ANGEL1: variants seen among roughly 807,000 people sequenced by gnomAD.
ANGEL1 encodes RNA 2',3'-cyclic phosphatase ANGEL1.
Under a neutral mutation model 76.4 loss-of-function variants are expected in ANGEL1, and 62 were observed. The observed-to-expected ratio is 0.81, with a 90% CI of 0.66 to 1.00. ANGEL1 has a LOEUF of 1.00. Among genes scored for constraint, ANGEL1 ranks in the 50% least tolerant of loss-of-function variants. The pLI is 0.00. For synonymous variants in ANGEL1, 340 were observed against 331.7 expected (o/e 1.03, Z -0.27); for missense variants, 737 against 836.7 (o/e 0.88, Z 1.47).
chr14:76,810,783 A>T (rs1895061025), intron 1 of ANGEL1, among the ~76,000 whole-genome samples: 1 of 152,240 alleles, frequency 6.6e-6, no homozygotes, highest in South Asian at 2.1e-4. Flanking sequence ...CAGGCAAGAA[A>T]GAAAGTGGGA....
At position 76,806,823 on chromosome 14, in the gene ANGEL1, T is replaced by G. The variant is rs765351836; in HGVS notation, c.973A>C (p.Thr325Pro). The G allele has an allele frequency of 6.2e-7, 1 of 1,613,780 alleles. No homozygotes were observed. The highest frequency in any genetic ancestry group is 8.5e-7 in the Non-Finnish European group (1 of 1,179,870). The change falls in exon 5 of 10, where the codon ACT becomes CCT. Residue 325 changes from threonine (T) to proline (P), a missense_variant. Physicochemically the swap from Thr to Pro is conservative, Grantham distance 38. This residue lies in a region of ANGEL1 where 441 missense variants were observed against 449.5 expected (regional missense o/e 0.98). Coordinates refer to ENST00000251089, the MANE Select transcript of ANGEL1 (RefSeq NM_015305.4). ...GCACAGCCATCGGTTTTACACCCAG[T>G]CCTCCTCTTGTAGAAACAGGTAAAG... is the stretch of plus-strand genomic sequence containing the variant. ...MGFTCFYKRR[T>P]GCKTDGCAVC...
chr14:76,786,255 C>T lies in ANGEL1; in HGVS notation c.*2973G>A, dbSNP rs1894259813. The T allele has an allele frequency of 6.6e-6, 1 of 151,984 alleles. No individual in the cohort carries two copies. The highest frequency in any genetic ancestry group is 6.6e-5 in the Admixed American group (1 of 15,252). 9.4% of individuals were successfully genotyped at this position (151,984 alleles called of 1,614,324 possible). ...CTCGGCTCACCACAACCTCCGCTTC[C>T]CAGGTTCAAGCAATTCTCCTGCCTC... On this transcript the variant is annotated 3_prime_UTR_variant, in exon 10 of 10. Coordinates refer to ENST00000251089, the MANE Select transcript of ANGEL1 (RefSeq NM_015305.4).
rs765107857 is a variant in ANGEL1, at chr14:76,809,144, C to T, written c.564G>A (p.Glu188=). ...PAVLAWSIAP[E]PVPQEEASIW... ...TGGAAGCCTCTTCCTGGGGCACAGG[C>T]TCAGGTGCTATGCTCCAGGCCAACA... Residue 188 remains glutamate (E), a synonymous_variant, in exon 2 of 10, where the codon GAG becomes GAA. Transcript: ENST00000251089. The T allele has an allele frequency of 1.7e-5, 28 of 1,614,070 alleles. No individual in the cohort carries two copies. The Middle Eastern group carries it at 6.6e-4, about 38-fold the overall frequency.
At chr14:76,798,319 GT>G (rs763796498) in intron 7 of ANGEL1, among the ~76,000 whole-genome samples, 9 of 152,080 alleles carry the variant, frequency 5.9e-5, no homozygotes, top group Non-Finnish European at 1.0e-4. Flanking sequence ...TAGAGATGGG[GT>G]TTTGCTATGT....
At chr14:76,805,903 T>C (rs560752847) in intron 5 of ANGEL1, among the ~76,000 whole-genome samples, 4 of 152,340 alleles carry the variant, frequency 2.6e-5, no homozygotes, top group Admixed American at 6.5e-5. Context: ...ATGGAAGCCA[T>C]GATGGAAACT....
intron 7 of ANGEL1, among the ~76,000 whole-genome samples, chr14:76,792,241 TAA>T (rs1041098715): frequency 6.6e-6 from 1 of 151,974 alleles, no homozygotes; most frequent in African/African-American, 2.4e-5. Context: ...CTATAATAAA[TAA>T]AGAGATTGAA....
At chr14:76,793,154 A>C (rs1226402121) in intron 7 of ANGEL1, among the ~76,000 whole-genome samples, 4 of 151,754 alleles carry the variant, frequency 2.6e-5, no homozygotes, top group African/African-American at 7.2e-5. Flanking sequence ...TGAAATAATT[A>C]GGAAAAATTT....
chr14:76,802,226 T>C (rs1365563033), intron 7 of ANGEL1, among the ~76,000 whole-genome samples: 2 of 152,148 alleles, frequency 1.3e-5, no homozygotes, highest in African/African-American at 4.8e-5. Flanking sequence ...CATGAGAAAG[T>C]AATCGTAATT....
intron 9 of ANGEL1, among the ~76,000 whole-genome samples, 193 bp from the exon 10 acceptor site, chr14:76,789,581 G>A (rs894663491): frequency 2.6e-5 from 4 of 152,034 alleles, no homozygotes; most frequent in African/African-American, 9.7e-5. Context: ...TATCATCAAC[G>A]AATAAAGACA....
Position 76,812,775 on chromosome 14 carries a change from C to A in ANGEL1, c.53G>T (p.Arg18Leu). 1 of 1,522,314 alleles carries A rather than the reference C, an allele frequency of 6.6e-7. No individual in the cohort carries two copies. Among genetic ancestry groups the A allele is most frequent in the Non-Finnish European group, 8.8e-7 (1 of 1,139,886 alleles). 94.3% of individuals were successfully genotyped at this position (1,522,314 alleles called of 1,614,324 possible). Residue 18 changes from arginine to leucine, a missense_variant, in exon 1 of 10, where the codon CGC (arginine) becomes CTC (leucine). Physicochemically the swap from Arg to Leu is moderately radical, Grantham distance 102. Transcript: ENST00000251089. ...CGCCTGGCCGGTACCTGAGAGGGCGCGGAAGAGGCGCGTGGCCGGCAGCAG... is the reference window on the plus strand; with the variant it reads ...CGCCTGGCCGGTACCTGAGAGGGCGAGGAAGAGGCGCGTGGCCGGCAGCAG... ...YLLLPATRLF[R>L]ALSDAFFTCR...
At chr14:76,795,087 A>G (rs1488403862) in intron 7 of ANGEL1, among the ~76,000 whole-genome samples, 1 of 152,154 alleles carries the variant, frequency 6.6e-6, no homozygotes, top group African/African-American at 2.4e-5. Flanking sequence ...CAGGAATGCT[A>G]TTAGAGTTTT....
chr14:76,797,905 G>A (rs892062163), intron 7 of ANGEL1, among the ~76,000 whole-genome samples: 2 of 152,208 alleles, frequency 1.3e-5, no homozygotes, highest in Admixed American at 1.3e-4. Flanking sequence ...AAATGTTTGT[G>A]TCCCCACAAT....
intron 7 of ANGEL1, among the ~76,000 whole-genome samples, chr14:76,798,946 CA>C (rs58535403): frequency 0.11 from 8,368 of 73,720 alleles, 159 homozygotes; most frequent in African/African-American, 0.18. Flanking sequence ...GACTCTGTCT[CA>C]AAAAAAAAAA....
chr14:76,790,809 A>C (rs1894383262), intron 8 of ANGEL1, 35 bp from the exon 9 acceptor site: 3 of 1,522,594 alleles, frequency 2.0e-6, no homozygotes, highest in Non-Finnish European at 1.8e-6. Flanking sequence ...TAGTTAACAA[A>C]AATTACTAAA....
intron 7 of ANGEL1, among the ~76,000 whole-genome samples, chr14:76,793,382 A>AGAGGAGGG (rs1894466511): frequency 3.5e-4 from 1 of 2,874 alleles, no homozygotes. Context: ...GGGAAAGAGG[A>AGAGGAGGG]GAGGGGAGAG....
chr14:76,812,189 G>C (rs559313552), intron 1 of ANGEL1: 1 of 965,870 alleles, frequency 1.0e-6, no homozygotes, highest in Non-Finnish European at 1.2e-6. Context: ...AGTGGGGGCA[G>C]GAATGCTCCA....
At chr14:76,807,310 G>A (rs61989361) in intron 4 of ANGEL1, 123 bp downstream of exon 4, 25 of 899,410 alleles carry the variant, frequency 2.8e-5, no homozygotes, top group Middle Eastern at 4.4e-4. Flanking sequence ...ACACATGGAA[G>A]GAGCTAGCTC....
intron 5 of ANGEL1, among the ~76,000 whole-genome samples, 181 bp downstream of exon 5, chr14:76,806,235 G>C (rs546552882): frequency 6.6e-6 from 1 of 152,124 alleles, no homozygotes; most frequent in Non-Finnish European, 1.5e-5. Context: ...CCAATATGCC[G>C]AAGTACTCAA....
chr14:76,811,747 T>C (rs1216257386), intron 1 of ANGEL1, among the ~76,000 whole-genome samples: 3 of 152,162 alleles, frequency 2.0e-5, no homozygotes, highest in Admixed American at 1.3e-4. Flanking sequence ...GTGCCTACTG[T>C]ATACCAAGCA....
Sources: allele counts gnomAD v4.1 joint callset (sites outside exome capture counted in the v4.1 genomes callset), GRCh38; gene constraint gnomAD v4.1.1; regional missense constraint gnomAD v4.1.1; transcripts MANE v1.5; gene names NCBI Gene and HGNC (gene_info 2026-07-23, HGNC 2026-07-21).